RAMP1: variants seen among roughly 807,000 people sequenced by gnomAD.
RAMP1 encodes the protein receptor activity modifying protein 1.
In RAMP1, 7 loss-of-function variants were observed where a neutral mutation model predicts 8.2. The observed-to-expected ratio is 0.85, with a 90% CI of 0.49 to 1.60. The LOEUF (loss-of-function observed/expected upper bound fraction) is 1.60, where lower values mean the gene tolerates loss of function less well. Ranked by LOEUF, RAMP1 falls within the 40% of genes most tolerant of loss-of-function variation. The pLI, the probability that RAMP1 is intolerant of heterozygous loss-of-function variation, is 0.00. For missense variants in RAMP1, 192 were observed against 202.4 expected (o/e 0.95, Z 0.31); for synonymous variants, 92 against 84.7 (o/e 1.09, Z -0.47).
At position 237,877,755 on chromosome 2, in the gene RAMP1, T is replaced by A. The variant is rs2062324525; in HGVS notation, c.191+393T>A. 6.6e-6 allele frequency among the ~76,000 whole-genome samples: 1 copy of A among 152,132 alleles called. No homozygotes were observed. Among genetic ancestry groups the A allele is most frequent in the African/African-American group, 2.4e-5 (1 of 41,440 alleles). On this transcript the variant is annotated intron_variant, in intron 2 of 2. Transcript: ENST00000254661. The surrounding 1 kb of genome is among the most constrained non-coding windows in gnomAD (Gnocchi z 4.4). ...CTGCTGATTCCCTCTGTCCCTGTGG[T>A]CAGGCCAAAGCTGTCCTTCCTGGCC...
intron 1 of RAMP1, among the ~76,000 whole-genome samples, chr2:237,861,424 C>CCT (rs1405130933): frequency 1.3e-5 from 2 of 152,104 alleles, no homozygotes; most frequent in African/African-American, 4.8e-5. Context: ...AGCCAGGTCT[C>CCT]CTTGGTGATG....
At chr2:237,871,741 G>A (rs74525493) in intron 1 of RAMP1, among the ~76,000 whole-genome samples, 3 of 152,164 alleles carry the variant, frequency 2.0e-5, no homozygotes, top group Non-Finnish European at 2.9e-5. Context: ...GTGCCACTGC[G>A]CTATGTGTTC....
intron 2 of RAMP1, among the ~76,000 whole-genome samples, chr2:237,902,972 A>G (rs1037438672): frequency 6.6e-6 from 1 of 152,166 alleles, no homozygotes; most frequent in African/African-American, 2.4e-5. Flanking sequence ...TTTTACCCCA[A>G]TCCAGGCTGT....
At chr2:237,868,046 CTTT>C (rs796880429) in intron 1 of RAMP1, among the ~76,000 whole-genome samples, 9 of 137,108 alleles carry the variant, frequency 6.6e-5, no homozygotes, top group Admixed American at 2.2e-4. Flanking sequence ...GGTTTTCTGT[CTTT>C]TTTTTTTTTT....
At chr2:237,874,766 C>A in intron 1 of RAMP1, 1 of 908,290 alleles carries the variant, frequency 1.1e-6, no homozygotes, top group Non-Finnish European at 1.3e-6. Context: ...CTGCTGGGTG[C>A]CAGCGTGAGT....
chr2:237,907,511 T>G (rs1173148688), intron 2 of RAMP1, among the ~76,000 whole-genome samples: 2 of 151,760 alleles, frequency 1.3e-5, no homozygotes, highest in Non-Finnish European at 2.9e-5. Flanking sequence ...TTTCCCTCAC[T>G]TTTTTTTCTC....
chr2:237,863,494 C>T (rs377304035), intron 1 of RAMP1, among the ~76,000 whole-genome samples: 4 of 152,304 alleles, frequency 2.6e-5, no homozygotes, highest in African/African-American at 7.2e-5. Flanking sequence ...GAGGAGGATG[C>T]GTCAACACGG....
intron 1 of RAMP1, among the ~76,000 whole-genome samples, chr2:237,861,735 C>T (rs766218794): frequency 2.0e-5 from 3 of 151,886 alleles, no homozygotes; most frequent in Admixed American, 6.6e-5. Context: ...CCTATAATCC[C>T]GGCTACTTGG....
rs138641170 is a variant in RAMP1 at position 237,873,198 on chromosome 2, C to G, written c.53-4026C>G. Among the ~76,000 whole-genome samples, 294 of 152,328 alleles carry G rather than the reference C, an allele frequency of 1.9e-3. 1 individual carries two copies. Among genetic ancestry groups the G allele is most frequent in the African/African-American group, 4.3e-3 (177 of 41,578 alleles). On this transcript the variant is annotated intron_variant, in intron 1 of 2. Coordinates refer to ENST00000254661, the MANE Select transcript of RAMP1 (RefSeq NM_005855.4). ...CTGCACTCTCTGTTTAGCCACCACT[C>G]CAGCTGGGAGGAGGACAGTGATGGG... is the stretch of plus-strand genomic sequence containing the variant.
intron 1 of RAMP1, among the ~76,000 whole-genome samples, chr2:237,875,620 C>A (rs1251498479): frequency 6.6e-6 from 1 of 152,176 alleles, no homozygotes; most frequent in Non-Finnish European, 1.5e-5. Context: ...CACATCACTC[C>A]CTGGCTTCTT....
At chr2:237,903,791 T>C (rs1254030269) in intron 2 of RAMP1, among the ~76,000 whole-genome samples, 1 of 152,202 alleles carries the variant, frequency 6.6e-6, no homozygotes, top group Non-Finnish European at 1.5e-5. Context: ...ACCTCCCAGG[T>C]CCACGCCATT....
At position 237,877,592 on chromosome 2, in the gene RAMP1, G is replaced by A. The variant is rs2062321957; in HGVS notation, c.191+230G>A. ...TCCTCAATAATCTGGTCTGGGGATG[G>A]AGGGTTCAGACTGGGCCATGTCCAG... On this transcript the variant is annotated intron_variant, in intron 2 of 2. Transcript: ENST00000254661. The surrounding 1 kb of genome is among the most constrained non-coding windows in gnomAD (Gnocchi z 4.4). Among the ~76,000 whole-genome samples the A allele has an allele frequency of 1.3e-5, 2 of 152,168 alleles. No homozygotes were observed. The highest frequency in any genetic ancestry group is 2.9e-5 in the Non-Finnish European group (2 of 68,012).
chr2:237,859,762 T>C, intron 1 of RAMP1, 35 bp downstream of exon 1: 1 of 1,423,624 alleles, frequency 7.0e-7, no homozygotes, highest in Non-Finnish European at 9.3e-7. Flanking sequence ...CGAGCTCCCT[T>C]CCCCTGGCCA....
intron 1 of RAMP1, among the ~76,000 whole-genome samples, chr2:237,871,246 C>A (rs1020070193): frequency 6.6e-6 from 1 of 152,184 alleles, no homozygotes; most frequent in African/African-American, 2.4e-5. Flanking sequence ...AGCCAGCTGA[C>A]CCCTAGAGAG....
chr2:237,882,460 T>A (rs766308729), intron 2 of RAMP1, among the ~76,000 whole-genome samples: 10 of 152,172 alleles, frequency 6.6e-5, no homozygotes, highest in Non-Finnish European at 1.0e-4. Context: ...GGGGCTGTTG[T>A]GATTGCTGCT....
intron 1 of RAMP1, among the ~76,000 whole-genome samples, chr2:237,866,826 T>C (rs1206173058): frequency 6.6e-6 from 1 of 152,044 alleles, no homozygotes; most frequent in Non-Finnish European, 1.5e-5. Flanking sequence ...ACTCCCGGGT[T>C]CAAGTGTTTC....
chr2:237,876,677 T>C (rs1426876339), intron 1 of RAMP1, among the ~76,000 whole-genome samples: 1 of 151,666 alleles, frequency 6.6e-6, no homozygotes, highest in Non-Finnish European at 1.5e-5. Context: ...AGCAGTGAGC[T>C]ACGGGGGAAA....
At chr2:237,897,035 G>T (rs574710680) in intron 2 of RAMP1, among the ~76,000 whole-genome samples, 3 of 152,328 alleles carry the variant, frequency 2.0e-5, no homozygotes, top group African/African-American at 7.2e-5. Context: ...GGGGTCACCT[G>T]CCCCAGCCTC....
At position 237,877,345 on chromosome 2, in the gene RAMP1, C is replaced by A. The variant is rs780204782; in HGVS notation, c.174C>A (p.Asp58Glu). ...MEAVGETLWC[D>E]WGRTIRSYRE... ...CCGTCGGGGAGACGCTGTGGTGTGA[C>A]TGGGGCAGGACCATCAGGTGAGTCC... Residue 58 changes from aspartate (D) to glutamate (E), a missense_variant, in exon 2 of 3, where the codon GAC (aspartate) becomes GAA (glutamate). By Grantham distance (45) the Asp-to-Glu change is conservative. Transcript: ENST00000254661. The surrounding 1 kb of genome is among the most constrained non-coding windows in gnomAD (Gnocchi z 4.4). 6.2e-7 allele frequency: 1 copy of A among 1,613,218 alleles called. No homozygotes were observed. Among genetic ancestry groups the A allele is most frequent in the Non-Finnish European group, 8.5e-7 (1 of 1,179,620 alleles).
Sources: allele counts gnomAD v4.1 joint callset (sites outside exome capture counted in the v4.1 genomes callset), GRCh38; gene constraint gnomAD v4.1.1; non-coding constraint Gnocchi (gnomAD v3.1); transcripts MANE v1.5; gene names NCBI Gene and HGNC (gene_info 2026-07-23, HGNC 2026-07-21).